Variants in FBN3 observed in about 807,000 individuals in gnomAD.
FBN3 encodes the protein fibrillin 3.
In FBN3, 234 loss-of-function variants were observed where a neutral mutation model predicts 330.1. The observed-to-expected ratio is 0.71, with a 90% CI of 0.64 to 0.79. FBN3 has a LOEUF of 0.79. FBN3 is among the 30% of genes least tolerant of loss of function. FBN3 has a pLI of 0.00. For synonymous variants in FBN3, 1,458 were observed against 1,517.3 expected, an observed-to-expected ratio of 0.96 and a Z score of 0.91; for missense variants, 3,606 against 3,886.9, an observed-to-expected ratio of 0.93 and a Z score of 1.92.
intron 63 of FBN3, among the ~76,000 whole-genome samples, chr19:8,068,390 C>CAAA (rs71165268): frequency 0.06 from 8,277 of 137,084 alleles, 828 homozygotes; most frequent in African/African-American, 0.21. Flanking sequence ...GACTCCGTCT[C>CAAA]AAAAAAAAAA....
intron 14 of FBN3, among the ~76,000 whole-genome samples, chr19:8,132,048 C>T (rs543889418): frequency 5.3e-5 from 8 of 152,120 alleles, no homozygotes; most frequent in Admixed American, 6.6e-5. Flanking sequence ...ATCTTTCTCT[C>T]CACCTTTAAA....
chr19:8,085,542 T>C lies in FBN3; in HGVS notation c.6908A>G (p.Glu2303Gly), dbSNP rs752738818. 5.0e-6 allele frequency: 8 copies of C among 1,584,410 alleles called. No homozygotes were observed. The highest frequency in any genetic ancestry group is 6.9e-6 in the Non-Finnish European group (8 of 1,166,136). ...AGACCGGCACATGGTCTGCAGCACC[T>C]CGGCAAAGCAGGGCCCCTGCCGGAT... Reference protein sequence around the residue: ...HDIRQGPCFAEVLQTMCRSLS... With the variant: ...HDIRQGPCFAGVLQTMCRSLS... Residue 2303 changes from glutamate to glycine, a missense_variant, in exon 56 of 64, where the codon GAG becomes GGG. Glu to Gly is a moderately conservative substitution (Grantham distance 98). Transcript: ENST00000600128.
At position 8,125,887 on chromosome 19, in the gene FBN3, C is replaced by T. The variant is rs939153278; in HGVS notation, c.2731+5G>A. The T allele has an allele frequency of 1.1e-5, 18 of 1,609,142 alleles. No homozygotes were observed. The highest frequency in any genetic ancestry group is 1.5e-5 in the Non-Finnish European group (18 of 1,178,490). Reference sequence around the variant, plus strand: ...GCCCTGTATGCGGACCTCGCCTGGACTCACCCACGCACAGCCGGCCTGAGG... The same window carrying T: ...GCCCTGTATGCGGACCTCGCCTGGATTCACCCACGCACAGCCGGCCTGAGG... On this transcript the variant is annotated splice_donor_5th_base_variant and intron_variant, in intron 22 of 63. Coordinates refer to ENST00000600128, the MANE Select transcript of FBN3 (RefSeq NM_032447.5).
chr19:8,083,805 C>CTTTTTTTT (rs372453716), intron 56 of FBN3, among the ~76,000 whole-genome samples: 1 of 134,086 alleles, frequency 7.5e-6, no homozygotes, highest in Admixed American at 7.6e-5. Flanking sequence ...ACTATTTTTT[C>CTTTTTTTT]TTTTTTTTTT....
chr19:8,122,358 G>A (rs6603145), intron 24 of FBN3, among the ~76,000 whole-genome samples: 9,289 of 151,606 alleles, frequency 0.061, 905 homozygotes, highest in African/African-American at 0.2. Flanking sequence ...CTTCTTTTAT[G>A]TTTTATTTAC....
In FBN3 at chr19:8,102,752, G is replaced by A; in HGVS notation, c.5061C>T (p.Pro1687=). 1 of 1,613,974 alleles carries A rather than the reference G, an allele frequency of 6.2e-7. No homozygotes were observed. The highest frequency in any genetic ancestry group is 8.5e-7 in the Non-Finnish European group (1 of 1,179,988). Reference sequence around the variant, plus strand: ...TGATGGGAGTGGGGCAGGCCTCACAGGGTCTATTCCAGGCCTGGCCAATGT... The same window carrying A: ...TGATGGGAGTGGGGCAGGCCTCACAAGGTCTATTCCAGGCCTGGCCAATGT... The part of the protein sequence containing the change: ...SYNIGQAWNR[P]CEACPTPISP... Residue 1687 remains proline, a synonymous_variant, in exon 40 of 64, where the codon CCC becomes CCT. Transcript: ENST00000600128.
chr19:8,100,399 G>A (rs548537986), intron 41 of FBN3, among the ~76,000 whole-genome samples: 4 of 151,984 alleles, frequency 2.6e-5, no homozygotes, highest in Non-Finnish European at 4.4e-5. Flanking sequence ...GTGCAATGGC[G>A]AGATATCGGC....
At chr19:8,113,864 T>C (rs1257267225) in intron 30 of FBN3, among the ~76,000 whole-genome samples, 1 of 138,892 alleles carries the variant, frequency 7.2e-6, no homozygotes, top group Admixed American at 7.2e-5. Flanking sequence ...AAAAATTAGC[T>C]GAGTGTGGCG....
chr19:8,088,591 G>A (rs2082019950), intron 51 of FBN3, among the ~76,000 whole-genome samples: 1 of 152,232 alleles, frequency 6.6e-6, no homozygotes, highest in Admixed American at 6.5e-5. Flanking sequence ...AAGGGAATGA[G>A]TGAGTAAAGG....
At chr19:8,088,218 G>A in intron 51 of FBN3, 39 bp from the exon 52 acceptor site, 1 of 1,552,404 alleles carries the variant, frequency 6.4e-7, no homozygotes. Flanking sequence ...CCTGCAGAGG[G>A]TCCCCCATCC....
At chr19:8,095,258 T>C (rs2082185221) in intron 46 of FBN3, 117 bp downstream of exon 46, 1 of 1,137,690 alleles carries the variant, frequency 8.8e-7, no homozygotes, top group Non-Finnish European at 1.2e-6. Context: ...TTTTTTTAAA[T>C]CTTAAAATAA....
chr19:8,096,602 C>T lies in FBN3; in HGVS notation c.5414-33G>A. 6.3e-7 allele frequency: 1 copy of T among 1,582,868 alleles called. No individual in the cohort carries two copies. Among genetic ancestry groups the T allele is most frequent in the Non-Finnish European group, 8.6e-7 (1 of 1,164,742 alleles). On this transcript the variant is annotated intron_variant, in intron 43 of 63. Transcript: ENST00000600128. This position sits in a 1 kb window ranked among gnomAD's most constrained non-coding sequence, Gnocchi z 4.6. Reference sequence around the variant, plus strand: ...TGCAGAGAGCATGGTGTTCCCAGGGCTCCTACCACAGTGTTTGCCTGAGCT... The same window carrying T: ...TGCAGAGAGCATGGTGTTCCCAGGGTTCCTACCACAGTGTTTGCCTGAGCT...
rs149367870 is a variant in FBN3, at chr19:8,121,349, G to A, written c.3120C>T (p.Gly1040=). 8 of 1,613,336 alleles carry A rather than the reference G, an allele frequency of 5.0e-6. No homozygotes were observed. In the East Asian group the frequency reaches 1.6e-4, roughly 32 times the overall value. ...DECRISPDLC[G]QGTCVNTPGS... is the part of the protein sequence containing the mutation. The stretch of plus-strand genomic sequence containing the variant: ...CCGGCGTGTTGACACAGGTGCCCTG[G>A]CCGCAGAGGTCAGGAGAGATGCGAC... The change falls in exon 25 of 64, where the codon GGC becomes GGT. Residue 1040 remains glycine, a synonymous_variant. Coordinates refer to ENST00000600128, the MANE Select transcript of FBN3 (RefSeq NM_032447.5). This position sits in a 1 kb window ranked among gnomAD's most constrained non-coding sequence, Gnocchi z 4.5.
chr19:8,131,301 G>T lies in FBN3; in HGVS notation c.1991-13C>A. The T allele has an allele frequency of 6.2e-7, 1 of 1,611,524 alleles. No individual in the cohort carries two copies. Among genetic ancestry groups the T allele is most frequent in the Admixed American group, 1.7e-5 (1 of 59,606 alleles). On this transcript the variant is annotated splice_polypyrimidine_tract_variant and intron_variant, in intron 15 of 63. Transcript: ENST00000600128. This position sits in a 1 kb window ranked among gnomAD's most constrained non-coding sequence, Gnocchi z 4.5. ...GCCTGGAACTCAGCTGGGGATGGAG[G>T]GACAGAGTGAGACGGGTCAGGGAGC...
At chr19:8,117,422 T>A in intron 27 of FBN3, 42 bp downstream of exon 27, 1 of 1,556,334 alleles carries the variant, frequency 6.4e-7, no homozygotes, top group Non-Finnish European at 8.7e-7. Context: ...TGTCTGGGAC[T>A]GTGGTTGGTG....
intron 30 of FBN3, among the ~76,000 whole-genome samples, chr19:8,114,811 G>A (rs373171121): frequency 3.7e-4 from 56 of 151,648 alleles, no homozygotes; most frequent in African/African-American, 1.4e-3. Context: ...GCTCGACCTC[G>A]GCTCACTGCA....
At chr19:8,115,470 G>T in intron 30 of FBN3, 45 bp downstream of exon 30, 2 of 1,603,644 alleles carry the variant, frequency 1.2e-6, no homozygotes, top group Non-Finnish European at 1.7e-6. Context: ...TCCCAAAATG[G>T]CCCCGGGGAG....
intron 24 of FBN3, among the ~76,000 whole-genome samples, chr19:8,122,222 C>T (rs943406581): frequency 7.9e-5 from 12 of 152,062 alleles, no homozygotes; most frequent in Non-Finnish European, 1.5e-4. Flanking sequence ...CGCTGTGTTA[C>T]CCAGGATAGT....
intron 59 of FBN3, 79 bp downstream of exon 59, chr19:8,080,924 C>T: frequency 1.9e-6 from 2 of 1,078,970 alleles, no homozygotes; most frequent in Non-Finnish European, 1.4e-6. Flanking sequence ...GCCTGGCCAA[C>T]TTGATATTTT....
Sources: allele counts gnomAD v4.1 joint callset (sites outside exome capture counted in the v4.1 genomes callset), GRCh38; gene constraint gnomAD v4.1.1; non-coding constraint Gnocchi (gnomAD v3.1); transcripts MANE v1.5; gene names NCBI Gene and HGNC (gene_info 2026-07-23, HGNC 2026-07-21).